Variants in NR3C2 observed in about 807,000 individuals in gnomAD.
The protein encoded by NR3C2 is nuclear receptor subfamily 3 group C member 2.
In NR3C2, 15 loss-of-function variants were observed where a neutral mutation model predicts 86.4. The ratio of observed to expected loss-of-function variants is 0.17; its 90% confidence interval spans 0.12 to 0.27. The LOEUF is 0.27. NR3C2 is among the 10% of genes least tolerant of loss of function. The pLI is 1.00. For synonymous variants in NR3C2, 458 were observed against 450.5 expected (o/e 1.02, Z -0.21); for missense variants, 960 against 1,195.6 (o/e 0.80, Z 2.91).
intron 2 of NR3C2, among the ~76,000 whole-genome samples, chr4:148,324,201 A>G (rs1743820512): frequency 6.6e-6 from 1 of 152,228 alleles, no homozygotes; most frequent in African/African-American, 2.4e-5. Context: ...GATTCCATAT[A>G]TAAATAAGGT....
rs111765956 is a variant in NR3C2 at position 148,086,177 on chromosome 4, A to C, written c.2800-4678T>G. On this transcript the variant is annotated intron_variant, in intron 8 of 8. Transcript: ENST00000358102. Reference sequence around the variant, plus strand: ...CAAACCTTGCAGAGACACAACAAAAAATGAAAATTTCAGGCCAATTTCCCT... The same window carrying C: ...CAAACCTTGCAGAGACACAACAAAACATGAAAATTTCAGGCCAATTTCCCT... Among the ~76,000 whole-genome samples, 45 of 152,302 alleles carry C rather than the reference A, an allele frequency of 3.0e-4. 1 individual carries two copies. Among genetic ancestry groups the C allele is most frequent in the Middle Eastern group, 3.4e-3 (1 of 294 alleles).
chr4:148,184,048 C>G (rs1318694933), intron 4 of NR3C2, among the ~76,000 whole-genome samples: 1 of 151,958 alleles, frequency 6.6e-6, no homozygotes, highest in Non-Finnish European at 1.5e-5. Context: ...ACAGGACAGT[C>G]CTCTACAACA....
chr4:148,299,048 T>A (rs1243194659), intron 2 of NR3C2, among the ~76,000 whole-genome samples: 5 of 152,206 alleles, frequency 3.3e-5, no homozygotes, highest in African/African-American at 1.2e-4. Context: ...TGGCCCAGTA[T>A]TCAATACGTG....
At chr4:148,113,429 A>G (rs984668645) in intron 8 of NR3C2, among the ~76,000 whole-genome samples, 29 of 152,314 alleles carry the variant, frequency 1.9e-4, no homozygotes, top group Admixed American at 7.8e-4. Flanking sequence ...GTGAAACTCA[A>G]TCTGACACCT....
chr4:148,207,911 TA>T (rs1737087677), intron 3 of NR3C2: 1 of 152,208 alleles, frequency 6.6e-6, no homozygotes, highest in Non-Finnish European at 1.5e-5. Context: ...AATTAAATAA[TA>T]GACTGTAATA....
intron 2 of NR3C2, among the ~76,000 whole-genome samples, chr4:148,290,918 T>A (rs1225708723): frequency 6.6e-6 from 1 of 152,182 alleles, no homozygotes; most frequent in African/African-American, 2.4e-5. Context: ...ATTTTCCAGT[T>A]TTAGATTTAT....
At chr4:148,394,095 GA>G (rs141881281) in intron 2 of NR3C2, among the ~76,000 whole-genome samples, 10,066 of 152,208 alleles carry the variant, frequency 0.066, 395 homozygotes, top group African/African-American at 0.12. Context: ...AAAGAACACA[GA>G]GAGAAAAGGG....
intron 2 of NR3C2, among the ~76,000 whole-genome samples, chr4:148,305,752 T>C (rs1742583486): frequency 6.6e-6 from 1 of 152,208 alleles, no homozygotes; most frequent in Non-Finnish European, 1.5e-5. Flanking sequence ...TTAACTTGGT[T>C]TGAATTGACA....
chr4:148,129,818 A>T (rs1232733715), intron 6 of NR3C2, among the ~76,000 whole-genome samples: 2 of 152,040 alleles, frequency 1.3e-5, no homozygotes, highest in African/African-American at 4.8e-5. Context: ...CTGGTCTCGA[A>T]CTCCTGACCT....
intron 3 of NR3C2, among the ~76,000 whole-genome samples, chr4:148,218,866 C>T (rs1387611494): frequency 6.6e-6 from 1 of 152,118 alleles, no homozygotes; most frequent in Admixed American, 6.5e-5. Flanking sequence ...GTGGATATAC[C>T]ATGTTGTTTT....
chr4:148,275,649 C>T (rs182561339), intron 2 of NR3C2, among the ~76,000 whole-genome samples: 172 of 152,218 alleles, frequency 1.1e-3, no homozygotes, highest in African/African-American at 3.8e-3. Context: ...AGTCTGGTCT[C>T]GAACTCCTGA....
At chr4:148,273,159 C>T (rs1383161584) in intron 2 of NR3C2, among the ~76,000 whole-genome samples, 2 of 152,110 alleles carry the variant, frequency 1.3e-5, no homozygotes, top group Non-Finnish European at 2.9e-5. Flanking sequence ...ATGAAATCTC[C>T]TATGTTTGAT....
At chr4:148,343,469 A>G (rs1744850517) in intron 2 of NR3C2, among the ~76,000 whole-genome samples, 1 of 150,136 alleles carries the variant, frequency 6.7e-6, no homozygotes, top group Non-Finnish European at 1.5e-5. Context: ...ATACTGGTTA[A>G]CCTGTTCCCC....
chr4:148,101,780 G>A (rs1333411187), intron 8 of NR3C2, among the ~76,000 whole-genome samples: 2 of 152,006 alleles, frequency 1.3e-5, no homozygotes, highest in Non-Finnish European at 2.9e-5. Flanking sequence ...CATTCGAACT[G>A]CTCACTTACA....
rs1173332788 is a variant in NR3C2, at chr4:148,259,965, C to A, written c.1897+13G>T. On this transcript the variant is annotated intron_variant, in intron 3 of 8. Transcript: ENST00000358102. ...AAAAAATATGTAAAAGGAACACCCA[C>A]ATGAACATTTACCTTCCACTGCTCT... 3 of 1,614,082 alleles carry A rather than the reference C, an allele frequency of 1.9e-6. No homozygotes were observed. In the Admixed American group the frequency reaches 5.0e-5, roughly 27 times the overall value.
intron 2 of NR3C2, among the ~76,000 whole-genome samples, chr4:148,393,136 T>A (rs1472445178): frequency 6.6e-6 from 1 of 152,232 alleles, no homozygotes; most frequent in Non-Finnish European, 1.5e-5. Context: ...CAAATTAATT[T>A]CCTTATCTTT....
At chr4:148,412,441 C>G (rs865873870) in intron 2 of NR3C2, among the ~76,000 whole-genome samples, 1 of 152,102 alleles carries the variant, frequency 6.6e-6, no homozygotes, top group African/African-American at 2.4e-5. Flanking sequence ...GGAATTCTAA[C>G]TAGATTTTTG....
At chr4:148,155,582 A>G (rs996837585) in intron 4 of NR3C2, among the ~76,000 whole-genome samples, 3 of 152,146 alleles carry the variant, frequency 2.0e-5, no homozygotes, top group Admixed American at 2.0e-4. Context: ...CTTCAAGGAG[A>G]ACTACAAACC....
intron 3 of NR3C2, among the ~76,000 whole-genome samples, chr4:148,223,326 G>A (rs866549081): frequency 6.6e-6 from 1 of 152,106 alleles, no homozygotes; most frequent in South Asian, 2.1e-4. Flanking sequence ...GGAACCACTC[G>A]TTTGACCCTC....
Sources: gnomAD v4.1 joint callset for allele counts (sites outside exome capture counted in the v4.1 genomes callset) on GRCh38, gnomAD v4.1.1 for gene constraint, MANE v1.5 for transcripts, NCBI Gene and HGNC (gene_info 2026-07-23, HGNC 2026-07-21) for gene names.